Variants in GATC observed in about 807,000 individuals in gnomAD.
The protein encoded by GATC is glutamyl-tRNA amidotransferase subunit C.
A neutral mutation model predicts 14.4 loss-of-function variants in GATC; 11 were observed. The observed-to-expected ratio is 0.77, with a 90% CI of 0.48 to 1.27. The LOEUF is 1.27. GATC is among the 50% of genes most tolerant of loss of function. The pLI, the probability that GATC is intolerant of heterozygous loss-of-function variation, is 0.00. For missense variants in GATC, 204 were observed against 183.0 expected (o/e 1.11, Z -0.66); for synonymous variants, 76 against 79.3 (o/e 0.96, Z 0.22).
intron 2 of GATC, among the ~76,000 whole-genome samples, chr12:120,451,528 G>C (rs749560977): frequency 6.6e-6 from 1 of 152,030 alleles, no homozygotes; most frequent in Non-Finnish European, 1.5e-5. Flanking sequence ...GATCACCTGA[G>C]GCCAGGAGTT....
intron 2 of GATC, among the ~76,000 whole-genome samples, chr12:120,451,454 A>C (rs1435279375): frequency 6.6e-6 from 1 of 151,280 alleles, no homozygotes; most frequent in Non-Finnish European, 1.5e-5. Context: ...AAAAAATACA[A>C]AACAAGGCTG....
At position 120,446,646 on chromosome 12, in the gene GATC, C is replaced by G; in HGVS notation, c.82-11C>G. On this transcript the variant is annotated splice_polypyrimidine_tract_variant and intron_variant, in intron 1 of 3. Coordinates refer to ENST00000551765, the MANE Select transcript of GATC (RefSeq NM_176818.3). ...CGGTGACCCACACTCCCCGCCTCATCCCTCCTCCAGGGCAGTGGCCGGATC... is the reference window on the plus strand; with the variant it reads ...CGGTGACCCACACTCCCCGCCTCATGCCTCCTCCAGGGCAGTGGCCGGATC... 1.2e-6 allele frequency: 2 copies of G among 1,605,148 alleles called. No homozygotes were observed. The highest frequency in any genetic ancestry group is 2.2e-5 in the South Asian group (2 of 90,666).
At chr12:120,451,237 G>T (rs988577142) in intron 2 of GATC, among the ~76,000 whole-genome samples, 1 of 151,370 alleles carries the variant, frequency 6.6e-6, no homozygotes, top group Non-Finnish European at 1.5e-5. Context: ...ATGGGGTCAG[G>T]AGTTGAAGAC....
intron 3 of GATC, 147 bp downstream of exon 3, chr12:120,457,326 T>G (rs1483737513): frequency 1.5e-6 from 1 of 669,754 alleles, no homozygotes; most frequent in Non-Finnish European, 2.7e-6. Flanking sequence ...GGCAGTAGGG[T>G]CCAGGGTCAT....
intron 2 of GATC, among the ~76,000 whole-genome samples, chr12:120,453,830 A>C (rs1039342563): frequency 1.3e-4 from 20 of 150,480 alleles, no homozygotes; most frequent in African/African-American, 4.1e-4. Context: ...AAAAAAAGTA[A>C]AACAACAACA....
chr12:120,449,632 G>C (rs1316296312), intron 2 of GATC, among the ~76,000 whole-genome samples: 2 of 151,700 alleles, frequency 1.3e-5, no homozygotes, highest in Non-Finnish European at 2.9e-5. Context: ...ATTTTTAGTA[G>C]AGAGGGGTTT....
Position 120,453,211 on chromosome 12 carries a change from C to T in GATC, c.255-3865C>T, listed in dbSNP as rs371085066. 1.5e-4 allele frequency among the ~76,000 whole-genome samples: 23 copies of T among 152,286 alleles called. No individual in the cohort carries two copies. The East Asian group carries it at 3.7e-3, about 24-fold the overall frequency. On this transcript the variant is annotated intron_variant, in intron 2 of 3. Transcript: ENST00000551765. ...AGGGCTGACAGAATCACAAATGGAG[C>T]CACTTTGTCCTCCCTGTTGCCACAG...
At chr12:120,455,567 T>C (rs1428604929) in intron 2 of GATC, among the ~76,000 whole-genome samples, 2 of 152,188 alleles carry the variant, frequency 1.3e-5, no homozygotes, top group Non-Finnish European at 2.9e-5. Flanking sequence ...CCAGGTCCTG[T>C]AACAGACTTC....
chr12:120,446,591 C>G lies in GATC; in HGVS notation c.81+30C>G, dbSNP rs776407546. ...AGGCCAGGGCCATCTAGGCGGGTGGCGGAGCAAGCCGGGAGGCACTTCGGA... is the reference window on the plus strand; with the variant it reads ...AGGCCAGGGCCATCTAGGCGGGTGGGGGAGCAAGCCGGGAGGCACTTCGGA... On this transcript the variant is annotated intron_variant, in intron 1 of 3. Transcript: ENST00000551765. The G allele has an allele frequency of 2.5e-6, 4 of 1,588,836 alleles. No homozygotes were observed. The South Asian group carries it at 4.5e-5, about 18-fold the overall frequency.
At position 120,462,665 on chromosome 12, in the gene GATC, T is replaced by C. The variant is rs1878383249; in HGVS notation, c.*2706T>C. The C allele has an allele frequency of 6.6e-6, 1 of 152,636 alleles. No individual in the cohort carries two copies. Among genetic ancestry groups the C allele is most frequent in the Admixed American group, 6.5e-5 (1 of 15,330 alleles). The allele number at this position is 152,636 out of a possible 1,614,324, so 9.5% of individuals were successfully genotyped here. Reference sequence around the variant, plus strand: ...TCTAGATTCCTGGCAAGTCTTGTGATGGTGCTATTATGTGACCATTTTGCC... The same window carrying C: ...TCTAGATTCCTGGCAAGTCTTGTGACGGTGCTATTATGTGACCATTTTGCC... On this transcript the variant is annotated 3_prime_UTR_variant, in exon 4 of 4. Coordinates refer to ENST00000551765, the MANE Select transcript of GATC (RefSeq NM_176818.3).
At position 120,461,998 on chromosome 12, in the gene GATC, A is replaced by G. The variant is rs1878354736; in HGVS notation, c.*2039A>G. The G allele has an allele frequency of 6.3e-7, 1 of 1,589,838 alleles. No individual in the cohort carries two copies. On this transcript the variant is annotated 3_prime_UTR_variant, in exon 4 of 4. Transcript: ENST00000551765. Reference sequence around the variant, plus strand: ...AGCTCAGTTAACCTAAAAAATAAAGAAAAAATTCCCATCACCTGTCTCAGT... The same window carrying G: ...AGCTCAGTTAACCTAAAAAATAAAGGAAAAATTCCCATCACCTGTCTCAGT...
intron 2 of GATC, among the ~76,000 whole-genome samples, chr12:120,452,349 T>C (rs542812643): frequency 6.6e-6 from 1 of 152,308 alleles, no homozygotes; most frequent in East Asian, 1.9e-4. Context: ...TGTTCTAAGA[T>C]ATGCCAGCTA....
intron 2 of GATC, among the ~76,000 whole-genome samples, chr12:120,453,369 CAGAA>C (rs1407863817): frequency 6.6e-6 from 1 of 152,038 alleles, no homozygotes; most frequent in Non-Finnish European, 1.5e-5. Flanking sequence ...AACCAGAACA[CAGAA>C]AGATTCAAGT....
At chr12:120,450,929 G>T (rs956083143) in intron 2 of GATC, 8 of 152,002 alleles carry the variant, frequency 5.3e-5, no homozygotes, top group African/African-American at 1.9e-4. Flanking sequence ...ATCACTTTAG[G>T]TCAGGAGTTC....
intron 2 of GATC, 36 bp downstream of exon 2, chr12:120,446,865 T>G: frequency 3.2e-6 from 5 of 1,553,652 alleles, no homozygotes; most frequent in Non-Finnish European, 4.4e-6. Context: ...GCCTTGACCG[T>G]GGCCCGTTCG....
At chr12:120,457,671 A>G (rs1878224144) in intron 3 of GATC, among the ~76,000 whole-genome samples, 1 of 144,386 alleles carries the variant, frequency 6.9e-6, no homozygotes, top group Admixed American at 7.2e-5. Context: ...CAATGGTGCA[A>G]TCTCGGCTCA....
chr12:120,457,290 G>A (rs534198421), intron 3 of GATC, 111 bp downstream of exon 3: 53 of 791,750 alleles, frequency 6.7e-5, no homozygotes, highest in Admixed American at 3.2e-4. Context: ...AAAGGATGAA[G>A]TGCATACAGA....
At chr12:120,455,523 C>G (rs975867405) in intron 2 of GATC, among the ~76,000 whole-genome samples, 3 of 151,836 alleles carry the variant, frequency 2.0e-5, no homozygotes, top group Non-Finnish European at 4.4e-5. Context: ...CTGAAAAGAT[C>G]ATACTTGTTC....
chr12:120,450,891 C>T (rs1192526321), intron 2 of GATC: 1 of 152,178 alleles, frequency 6.6e-6, no homozygotes, highest in Non-Finnish European at 1.5e-5. Flanking sequence ...CCTGTAATCC[C>T]AGCATTTTGG....
Sources: gnomAD v4.1 joint callset for allele counts (sites outside exome capture counted in the v4.1 genomes callset) on GRCh38, gnomAD v4.1.1 for gene constraint, MANE v1.5 for transcripts, NCBI Gene and HGNC (gene_info 2026-07-23, HGNC 2026-07-21) for gene names.